Variants in SCGB2B2 observed in about 807,000 individuals in gnomAD.
SCGB2B2 encodes the protein secretoglobin-like protein.
A neutral mutation model predicts 7.6 loss-of-function variants in SCGB2B2; 11 were observed. That is an observed-to-expected ratio of 1.45 (90% CI 0.91 to 2.40). The LOEUF is 2.40. Among genes scored for constraint, SCGB2B2 ranks in the 30% most tolerant of loss-of-function variants. The pLI is 0.00. For synonymous variants in SCGB2B2, 50 were observed against 48.6 expected (o/e 1.03, Z -0.12); for missense variants, 104 against 115.4 (o/e 0.90, Z 0.45).
chr19:34,641,552 C>T (rs771698307), intron 1 of SCGB2B2, among the ~76,000 whole-genome samples: 1 of 152,102 alleles, frequency 6.6e-6, no homozygotes, highest in African/African-American at 2.4e-5. Context: ...TTTGGAGTTT[C>T]GTTTTGGAAT....
At chr19:34,655,715 T>A (rs1333261724) in intron 1 of SCGB2B2, among the ~76,000 whole-genome samples, 1 of 151,324 alleles carries the variant, frequency 6.6e-6, no homozygotes, top group East Asian at 1.9e-4. Context: ...GTTCACAGGC[T>A]TATGGCTGTG....
In SCGB2B2 at chr19:34,676,335, A is replaced by C. The variant is rs111994423; in HGVS notation, c.-2737T>G. 2,495 of 152,320 alleles carry C rather than the reference A, an allele frequency of 0.016. 43 individuals are homozygous for C. Among genetic ancestry groups the C allele is most frequent in the South Asian group, 0.084 (405 of 4,820 alleles). 9.4% of individuals were successfully genotyped at this position (152,320 alleles called of 1,614,324 possible). A position where few individuals can be genotyped will look rare whatever the true frequency, so the allele number is the denominator to read the frequency against. The stretch of plus-strand genomic sequence containing the variant: ...TTATATGCATTAGCACGCTAAGAGA[A>C]ACGCTCATCAGTGCCATGGCAATTT... On this transcript the variant is annotated 5_prime_UTR_variant, in exon 1 of 4. Transcript: ENST00000601241.
intron 1 of SCGB2B2, among the ~76,000 whole-genome samples, chr19:34,606,813 T>G (rs937887190): frequency 7.7e-6 from 1 of 129,336 alleles, no homozygotes; most frequent in Admixed American, 7.5e-5. Context: ...TATGGATGCA[T>G]TGTAAAAAAA....
intron 1 of SCGB2B2, chr19:34,635,527 A>T: frequency 3.6e-6 from 1 of 275,372 alleles, no homozygotes. Flanking sequence ...TAAGGCTTTA[A>T]ACCCATGTGA....
intron 1 of SCGB2B2, among the ~76,000 whole-genome samples, chr19:34,650,136 G>T (rs552050423): frequency 6.6e-6 from 1 of 151,490 alleles, no homozygotes; most frequent in South Asian, 2.1e-4. Flanking sequence ...GCGAGAGAGG[G>T]ACTGGAGCAA....
chr19:34,644,262 G>C (rs2066925628), intron 1 of SCGB2B2, among the ~76,000 whole-genome samples: 1 of 151,734 alleles, frequency 6.6e-6, no homozygotes, highest in Non-Finnish European at 1.5e-5. Context: ...TCAAACTTTT[G>C]GCCTCAAGAG....
At chr19:34,642,628 T>C (rs975380164) in intron 1 of SCGB2B2, among the ~76,000 whole-genome samples, 1 of 144,348 alleles carries the variant, frequency 6.9e-6, no homozygotes, top group Non-Finnish European at 1.5e-5. Flanking sequence ...AGGCAGGGAA[T>C]TGCTTGAACC....
At chr19:34,653,705 A>G (rs1169490937) in intron 1 of SCGB2B2, among the ~76,000 whole-genome samples, 1 of 151,312 alleles carries the variant, frequency 6.6e-6, no homozygotes, top group Non-Finnish European at 1.5e-5. Context: ...TTAACAAAAT[A>G]AAGAATAAAA....
downstream of SCGB2B2, among the ~76,000 whole-genome samples, chr19:34,590,281 C>T (rs1469241212): frequency 2.6e-5 from 4 of 152,148 alleles, no homozygotes; most frequent in African/African-American, 9.7e-5. Context: ...GTCCTCATGT[C>T]GTGACCTGAC....
At chr19:34,599,053 A>G (rs2065542069) in intron 1 of SCGB2B2, among the ~76,000 whole-genome samples, 1 of 152,198 alleles carries the variant, frequency 6.6e-6, no homozygotes, top group Non-Finnish European at 1.5e-5. Flanking sequence ...CTCCCAGCTC[A>G]CCTGCTTTGC....
intron 1 of SCGB2B2, among the ~76,000 whole-genome samples, chr19:34,654,038 T>G (rs777758423): frequency 3.3e-5 from 5 of 151,126 alleles, no homozygotes; most frequent in Non-Finnish European, 7.4e-5. Flanking sequence ...TCTTAGAAGA[T>G]CACATGATGT....
At chr19:34,597,685 G>A (rs781414511) in intron 1 of SCGB2B2, among the ~76,000 whole-genome samples, 4 of 152,032 alleles carry the variant, frequency 2.6e-5, no homozygotes, top group Non-Finnish European at 5.9e-5. Context: ...GGAGGGACGC[G>A]AGGCCTTCCC....
intron 1 of SCGB2B2, among the ~76,000 whole-genome samples, chr19:34,644,593 G>T (rs1255095278): frequency 6.6e-6 from 1 of 151,992 alleles, no homozygotes; most frequent in Non-Finnish European, 1.5e-5. Context: ...TTGTTTTATA[G>T]AGTTAGTTGC....
intron 1 of SCGB2B2, among the ~76,000 whole-genome samples, chr19:34,621,649 T>C (rs1170240724): frequency 6.6e-6 from 1 of 152,254 alleles, no homozygotes; most frequent in African/African-American, 2.4e-5. Context: ...CTCTTTTAAT[T>C]AAGCTGAGCA....
Position 34,642,714 on chromosome 19 carries a change from C to CAAAAAAAAAA in SCGB2B2, c.-2032+32906_-2032+32915dup. On this transcript the variant is annotated intron_variant, in intron 1 of 3. Transcript: ENST00000601241. ...TGGGCGACAGAGCAAGACTCCGTCT[C>CAAAAAAAAAA]AAAAAAAAAAAAAAAAAAAAAAAAA... is the stretch of plus-strand genomic sequence containing the variant. 3.3e-4 allele frequency among the ~76,000 whole-genome samples: 13 copies of CAAAAAAAAAA among 39,870 alleles called. 1 individual carries two copies. Among genetic ancestry groups the CAAAAAAAAAA allele is most frequent in the Admixed American group, 5.0e-4 (1 of 1,992 alleles). The allele number at this position is 39,870 out of a possible 152,430, so 26.2% of individuals were successfully genotyped here. A position where few individuals can be genotyped will look rare whatever the true frequency, so the allele number is the denominator to read the frequency against.
intron 1 of SCGB2B2, among the ~76,000 whole-genome samples, chr19:34,669,653 G>A (rs560765163): frequency 1.4e-5 from 2 of 144,644 alleles, no homozygotes; most frequent in South Asian, 4.4e-4. Context: ...CTGATACACT[G>A]TCACCCCAAA....
At chr19:34,596,728 T>C (rs2065467642) in intron 1 of SCGB2B2, 134 bp from the exon 2 acceptor site, 2 of 152,486 alleles carry the variant, frequency 1.3e-5, no homozygotes, top group East Asian at 2.0e-4. Flanking sequence ...GGAGAAGCAC[T>C]GTCTGAGTGG....
At chr19:34,631,899 T>C (rs2145952967) in intron 1 of SCGB2B2, 1 of 152,142 alleles carries the variant, frequency 6.6e-6, no homozygotes, top group African/African-American at 2.4e-5. Context: ...TAAAATTATG[T>C]TAAATAAGAC....
chr19:34,598,521 G>T lies in SCGB2B2; in HGVS notation c.-2031-1927C>A, dbSNP rs149878428. On this transcript the variant is annotated intron_variant, in intron 1 of 3. Transcript: ENST00000601241. ...TTGGGCATCCTGCAGAGGATTTTTG[G>T]ACACCTCAGCCAGGCTTTTGGGGTG... 1.1e-3 allele frequency among the ~76,000 whole-genome samples: 173 copies of T among 152,060 alleles called. 1 individual carries two copies. Among genetic ancestry groups the T allele is most frequent in the African/African-American group, 4.0e-3 (164 of 41,486 alleles).
Sources: allele counts gnomAD v4.1 joint callset (sites outside exome capture counted in the v4.1 genomes callset), GRCh38; gene constraint gnomAD v4.1.1; transcripts MANE v1.5; gene names NCBI Gene and HGNC (gene_info 2026-07-23, HGNC 2026-07-21).